Variants in BTBD3 observed in about 807,000 individuals in gnomAD.
BTBD3 encodes BTB/POZ domain-containing protein 3.
In BTBD3, 14 loss-of-function variants were observed where a neutral mutation model predicts 41.6. The observed-to-expected ratio is 0.34, with a 90% CI of 0.22 to 0.53. BTBD3 has a LOEUF of 0.53. BTBD3 is among the 20% of genes least tolerant of loss of function. BTBD3 has a pLI of 0.95. For synonymous variants in BTBD3, 249 were observed against 233.7 expected (o/e 1.07, Z -0.60); for missense variants, 426 against 654.7 (o/e 0.65, Z 3.81).
chr20:11,901,201 G>A (rs1477739765), intron 1 of BTBD3, among the ~76,000 whole-genome samples: 3 of 152,178 alleles, frequency 2.0e-5, no homozygotes, highest in Non-Finnish European at 4.4e-5. Context: ...AGGCTACAGG[G>A]AACTGTTGGT....
intron 1 of BTBD3, among the ~76,000 whole-genome samples, chr20:11,898,773 A>AC (rs1474562985): frequency 6.6e-6 from 1 of 152,212 alleles, no homozygotes; most frequent in Non-Finnish European, 1.5e-5. Context: ...AAGTTCAAGA[A>AC]CATTTATAGT....
chr20:11,923,918 C>T lies in BTBD3; in HGVS notation c.*252C>T, dbSNP rs775202030. The T allele has an allele frequency of 3.4e-4, 136 of 401,424 alleles. 1 individual carries two copies. Among genetic ancestry groups the T allele is most frequent in the Middle Eastern group, 2.0e-3 (3 of 1,494 alleles). The allele number at this position is 401,424 out of a possible 1,614,324, so 24.9% of individuals were successfully genotyped here. A position where few individuals can be genotyped will look rare whatever the true frequency, so the allele number is the denominator to read the frequency against. On this transcript the variant is annotated 3_prime_UTR_variant, in exon 4 of 4. Transcript: ENST00000378226. The surrounding 1 kb of genome is among the most constrained non-coding windows in gnomAD (Gnocchi z 5.3). ...TGGTTTTTAGAGTTGCATCTATGAACCTGGGGAGATTATGTGCTTTCCCAA... is the reference window on the plus strand; with the variant it reads ...TGGTTTTTAGAGTTGCATCTATGAATCTGGGGAGATTATGTGCTTTCCCAA...
At chr20:11,904,584 C>T (rs1482458141) in intron 1 of BTBD3, among the ~76,000 whole-genome samples, 1 of 152,098 alleles carries the variant, frequency 6.6e-6, no homozygotes, top group Non-Finnish European at 1.5e-5. Flanking sequence ...CCTTTTTATA[C>T]TCTTAATTAT....
chr20:11,901,191 A>G (rs368641030), intron 1 of BTBD3, among the ~76,000 whole-genome samples: 1 of 152,230 alleles, frequency 6.6e-6, no homozygotes, highest in Non-Finnish European at 1.5e-5. Flanking sequence ...ATGCAGGTTC[A>G]GGCTACAGGG....
chr20:11,911,710 G>T (rs546634084), intron 1 of BTBD3, among the ~76,000 whole-genome samples: 134 of 152,244 alleles, frequency 8.8e-4, no homozygotes, highest in African/African-American at 3.2e-3. Context: ...CTTAGCAATT[G>T]GTTGCCTTTT....
chr20:11,912,631 C>T (rs1371653463), intron 1 of BTBD3, among the ~76,000 whole-genome samples: 3 of 152,240 alleles, frequency 2.0e-5, no homozygotes, highest in African/African-American at 7.2e-5. Flanking sequence ...GATTGCATCA[C>T]AAACGTTTCC....
intron 1 of BTBD3, among the ~76,000 whole-genome samples, chr20:11,893,909 T>G (rs1483011932): frequency 6.6e-6 from 1 of 152,254 alleles, no homozygotes; most frequent in Non-Finnish European, 1.5e-5. Flanking sequence ...GAAGTAAATA[T>G]TAGAGACGTT....
At chr20:11,891,854 C>T (rs1600222793) in intron 1 of BTBD3, among the ~76,000 whole-genome samples, 2 of 151,870 alleles carry the variant, frequency 1.3e-5, no homozygotes, top group Admixed American at 1.3e-4. Flanking sequence ...TTAAATATTC[C>T]CCGCCACCTC....
chr20:11,902,326 CT>C (rs1379010639), intron 1 of BTBD3, among the ~76,000 whole-genome samples: 3 of 152,202 alleles, frequency 2.0e-5, no homozygotes, highest in Admixed American at 2.0e-4. Context: ...GATGAATCAT[CT>C]GTCTGAAATG....
chr20:11,915,793 A>G (rs373428672), upstream of BTBD3, among the ~76,000 whole-genome samples: 9 of 152,296 alleles, frequency 5.9e-5, no homozygotes, highest in East Asian at 1.7e-3. Context: ...TTTAACTAGT[A>G]TTGTCAGAAT....
intron 1 of BTBD3, among the ~76,000 whole-genome samples, chr20:11,897,202 A>G (rs2056792054): frequency 6.6e-6 from 1 of 152,124 alleles, no homozygotes; most frequent in East Asian, 1.9e-4. Context: ...ACAGGGCTTT[A>G]ATAAAATACT....
At chr20:11,898,907 C>T (rs1047195340) in intron 1 of BTBD3, among the ~76,000 whole-genome samples, 6 of 152,166 alleles carry the variant, frequency 3.9e-5, no homozygotes, top group Admixed American at 1.3e-4. Context: ...TGCCCTGATT[C>T]ACATCTGAAT....
intron 1 of BTBD3, among the ~76,000 whole-genome samples, chr20:11,900,001 T>G (rs1275086305): frequency 1.3e-5 from 2 of 152,236 alleles, no homozygotes; most frequent in African/African-American, 4.8e-5. Context: ...TAATTCAAAA[T>G]ATACCTAGCT....
Position 11,924,349 on chromosome 20 carries a change from A to T in BTBD3, c.*683A>T, listed in dbSNP as rs1268804284. On this transcript the variant is annotated 3_prime_UTR_variant, in exon 4 of 4. Transcript: ENST00000378226. ...GATTTCTTTTCTTTTAGTTTAGAAGACAAAAAATTTCAATACAGATACTTC... is the reference window on the plus strand; with the variant it reads ...GATTTCTTTTCTTTTAGTTTAGAAGTCAAAAAATTTCAATACAGATACTTC... 1 of 152,200 alleles carries T rather than the reference A, an allele frequency of 6.6e-6. No homozygotes were observed. 9.4% of individuals were successfully genotyped at this position (152,200 alleles called of 1,614,324 possible).
At position 11,902,423 on chromosome 20, in the gene BTBD3, C is replaced by T. The variant is rs76300586; in HGVS notation, c.-126+11469C>T. On this transcript the variant is annotated intron_variant, in intron 1 of 4. Transcript: ENST00000254977. ...CTTGTAGTGTCTTTTCTATGCTTCT[C>T]GGAAGCACTTCTAGCATCACTAATG... Among the ~76,000 whole-genome samples the T allele has an allele frequency of 3.7e-4, 56 of 152,204 alleles. No individual in the cohort carries two copies. The East Asian group carries it at 5.8e-3, about 16-fold the overall frequency.
rs1175222636 is a variant in BTBD3, at chr20:11,903,660, G to A, written c.-126+12706G>A. Among the ~76,000 whole-genome samples the A allele has an allele frequency of 2.0e-5, 3 of 151,826 alleles. No individual in the cohort carries two copies. The East Asian group carries it at 5.8e-4, about 29-fold the overall frequency. On this transcript the variant is annotated intron_variant, in intron 1 of 4. Coordinates refer to the BTBD3 transcript ENST00000254977. ...TTCGCTCTTGTTGCCCAGGCTGTATGCAGTGGCATGATCTCGGCTCACTGC... is the reference window on the plus strand; with the variant it reads ...TTCGCTCTTGTTGCCCAGGCTGTATACAGTGGCATGATCTCGGCTCACTGC...
rs554789643 is a variant in BTBD3 at position 11,923,546 on chromosome 20, A to G, written c.1449A>G (p.Gln483=). Residue 483 remains glutamine, a synonymous_variant, in exon 4 of 4, where the codon CAA becomes CAG. Coordinates refer to ENST00000378226, the MANE Select transcript of BTBD3 (RefSeq NM_014962.4). The surrounding 1 kb of genome is among the most constrained non-coding windows in gnomAD (Gnocchi z 5.3). The stretch of plus-strand genomic sequence containing the variant: ...GCAATGAACTCAGCTACTTTGGACA[A>G]GAAGGCATGACAGAAGTTCAGTGTG... ...LDGNELSYFG[Q]EGMTEVQCGK... The G allele has an allele frequency of 9.0e-5, 145 of 1,614,230 alleles. No homozygotes were observed. Among genetic ancestry groups the G allele is most frequent in the Non-Finnish European group, 1.0e-4 (118 of 1,180,048 alleles).
exon 1 of BTBD3, chr20:11,890,823 T>C (rs941712872): frequency 1.0e-6 from 1 of 984,940 alleles, no homozygotes; most frequent in African/African-American, 1.8e-5. Flanking sequence ...CCGCAGAGCG[T>C]GCCCTGCGTG....
intron 1 of BTBD3, among the ~76,000 whole-genome samples, chr20:11,895,533 T>G (rs1203886076): frequency 1.3e-5 from 2 of 152,166 alleles, no homozygotes; most frequent in African/African-American, 4.8e-5. Flanking sequence ...GGTCTTCCAG[T>G]AAAGTTTTGC....
Sources: gnomAD v4.1 joint callset for allele counts (sites outside exome capture counted in the v4.1 genomes callset) on GRCh38, gnomAD v4.1.1 for gene constraint, Gnocchi (gnomAD v3.1) non-coding constraint, MANE v1.5 for transcripts, NCBI Gene and HGNC (gene_info 2026-07-23, HGNC 2026-07-21) for gene names.